The following EYA4 variants were observed in gnomAD, a reference collection of about 807,000 sequenced individuals.
EYA4 encodes protein phosphatase EYA4.
EYA4 carries 31 observed loss-of-function variants against 87.9 expected under a neutral mutation model. The ratio of observed to expected loss-of-function variants is 0.35; its 90% CI spans 0.27 to 0.48. EYA4 has a LOEUF of 0.48. Ranked by LOEUF, EYA4 falls within the 20% of genes least tolerant of loss-of-function variation. EYA4 has a pLI of 0.99. For synonymous variants in EYA4, 263 were observed against 270.6 expected (o/e 0.97, Z 0.28); for missense variants, 678 against 761.4 (o/e 0.89, Z 1.29).
intron 13 of EYA4, among the ~76,000 whole-genome samples, chr6:133,498,955 C>A (rs1347764055): frequency 6.6e-6 from 1 of 152,116 alleles, no homozygotes; most frequent in African/African-American, 2.4e-5. Flanking sequence ...TATTTAAGCC[C>A]ATCTTTAGCA....
chr6:133,422,345 G>A (rs546457077), intron 3 of EYA4, among the ~76,000 whole-genome samples: 1 of 152,190 alleles, frequency 6.6e-6, no homozygotes, highest in East Asian at 1.9e-4. Flanking sequence ...GCTTTTGCCA[G>A]TTTTAAAAAT....
chr6:133,385,477 G>A (rs1786671130), intron 3 of EYA4, among the ~76,000 whole-genome samples: 1 of 149,964 alleles, frequency 6.7e-6, no homozygotes. Flanking sequence ...GAGATTTAAA[G>A]CCCGGGGCTA....
chr6:133,490,228 A>T (rs1290880079), intron 13 of EYA4, among the ~76,000 whole-genome samples: 1 of 152,158 alleles, frequency 6.6e-6, no homozygotes, highest in African/African-American at 2.4e-5. Flanking sequence ...AGTCATCTTT[A>T]CTAAAAGGAA....
chr6:133,292,730 T>C (rs751333253), intron 2 of EYA4, among the ~76,000 whole-genome samples: 3 of 152,236 alleles, frequency 2.0e-5, no homozygotes, highest in Non-Finnish European at 2.9e-5. Context: ...CTTTAAACAA[T>C]ATTTTTGTCT....
intron 3 of EYA4, among the ~76,000 whole-genome samples, chr6:133,412,935 C>T (rs1452220640): frequency 1.3e-5 from 2 of 152,106 alleles, no homozygotes; most frequent in Admixed American, 6.5e-5. Context: ...GGAGAACAAG[C>T]CTGCACACCT....
At chr6:133,266,387 T>C (rs1157299448) in intron 1 of EYA4, among the ~76,000 whole-genome samples, 1 of 152,124 alleles carries the variant, frequency 6.6e-6, no homozygotes, top group Non-Finnish European at 1.5e-5. Context: ...GATGCTTCCC[T>C]AGGATCTCCA....
In EYA4 at chr6:133,513,010, A is replaced by G. The variant is rs1799289755; in HGVS notation, c.1473A>G (p.Leu491=). The change falls in exon 16 of 20, where the codon TTA becomes TTG. Residue 491 remains leucine (L), a synonymous_variant. Coordinates refer to ENST00000355286, the MANE Select transcript of EYA4 (RefSeq NM_004100.5). ...TTCGTTACAGAAGAGTAAAAGAATT[A>G]TATAACACCTACAAGAACAACGTTG... is the stretch of plus-strand genomic sequence containing the variant. ...LAFRYRRVKE[L]YNTYKNNVGG... 1 of 1,614,142 alleles carries G rather than the reference A, an allele frequency of 6.2e-7. No individual in the cohort carries two copies. The highest frequency in any genetic ancestry group is 8.5e-7 in the Non-Finnish European group (1 of 1,180,004).
At chr6:133,304,980 G>C (rs1194341545) in intron 2 of EYA4, among the ~76,000 whole-genome samples, 1 of 152,156 alleles carries the variant, frequency 6.6e-6, no homozygotes, top group East Asian at 1.9e-4. Flanking sequence ...TTAGGAGCGA[G>C]GAAGAGGGAA....
At chr6:133,365,970 A>G (rs1002388205) in intron 2 of EYA4, among the ~76,000 whole-genome samples, 1 of 152,184 alleles carries the variant, frequency 6.6e-6, no homozygotes, top group Non-Finnish European at 1.5e-5. Context: ...AATAGAGTTG[A>G]TATAACTGGC....
intron 2 of EYA4, among the ~76,000 whole-genome samples, chr6:133,370,897 CT>C (rs371614526): frequency 6.2e-4 from 95 of 152,188 alleles, no homozygotes; most frequent in African/African-American, 2.1e-3. Context: ...TTAATTTTAA[CT>C]TTTTAAAGAA....
At chr6:133,454,106 C>A (rs1382772371) in intron 5 of EYA4, among the ~76,000 whole-genome samples, 1 of 152,034 alleles carries the variant, frequency 6.6e-6, no homozygotes, top group Non-Finnish European at 1.5e-5. Flanking sequence ...GCTTCTAGAC[C>A]AGTTTCGTTA....
Position 133,441,510 on chromosome 6 carries a change from C to T in EYA4, c.84-5120C>T, listed in dbSNP as rs1213629239. Among the ~76,000 whole-genome samples the T allele has an allele frequency of 2.6e-5, 4 of 152,192 alleles. No individual in the cohort carries two copies. In the South Asian group the frequency reaches 6.2e-4, roughly 24 times the overall value. The stretch of plus-strand genomic sequence containing the variant: ...AGATAGAGCAATGGTGAGTGCACAC[C>T]TGGACAACAGAGGGAAAGGGGTTCT... On this transcript the variant is annotated intron_variant, in intron 3 of 19. Coordinates refer to ENST00000355286, the MANE Select transcript of EYA4 (RefSeq NM_004100.5).
Position 133,256,339 on chromosome 6 carries a change from AT to A in EYA4, c.-66+14599del, listed in dbSNP as rs893440557. On this transcript the variant is annotated intron_variant, in intron 1 of 19. Coordinates refer to ENST00000355286, the MANE Select transcript of EYA4 (RefSeq NM_004100.5). ...AAATCAGTAATATTATATTCACTAC[AT>A]TTTTTTTTACTTAGTACCATCAAAT... Among the ~76,000 whole-genome samples, 26 of 150,860 alleles carry A rather than the reference AT, an allele frequency of 1.7e-4. 1 individual carries two copies. Among genetic ancestry groups the A allele is most frequent in the Admixed American group, 1.2e-3 (18 of 15,102 alleles).
intron 13 of EYA4, among the ~76,000 whole-genome samples, chr6:133,493,504 A>T (rs1218265291): frequency 6.6e-6 from 1 of 152,136 alleles, no homozygotes; most frequent in Non-Finnish European, 1.5e-5. Flanking sequence ...ACAATAAAAC[A>T]TTGGGGACAC....
At chr6:133,440,180 A>T (rs1792130210) in intron 3 of EYA4, among the ~76,000 whole-genome samples, 1 of 152,204 alleles carries the variant, frequency 6.6e-6, no homozygotes, top group Admixed American at 6.5e-5. Context: ...TTTCATTCTT[A>T]TTACTTCCTT....
chr6:133,385,429 G>GTGTC (rs1786657773), intron 3 of EYA4, among the ~76,000 whole-genome samples: 1 of 148,770 alleles, frequency 6.7e-6, no homozygotes, highest in African/African-American at 2.5e-5. Context: ...GTGTGTGTGT[G>GTGTC]TGTGTGTGTG....
chr6:133,491,677 C>T (rs950097834), intron 13 of EYA4, among the ~76,000 whole-genome samples: 11 of 151,988 alleles, frequency 7.2e-5, no homozygotes, highest in African/African-American at 1.2e-4. Flanking sequence ...GCAGGCCCGG[C>T]GCAGTGGGTT....
At chr6:133,246,733 A>C (rs1774439853) in intron 1 of EYA4, 1 of 152,184 alleles carries the variant, frequency 6.6e-6, no homozygotes, top group Non-Finnish European at 1.5e-5. Context: ...TATCACCATC[A>C]TAACATCATA....
chr6:133,437,841 A>G (rs1227565343), intron 3 of EYA4, among the ~76,000 whole-genome samples: 1 of 152,324 alleles, frequency 6.6e-6, no homozygotes, highest in Admixed American at 6.5e-5. Flanking sequence ...GACCGCCCCT[A>G]TGACTTGATT....
Sources: gnomAD v4.1 joint callset for allele counts (sites outside exome capture counted in the v4.1 genomes callset) on GRCh38, gnomAD v4.1.1 for gene constraint, MANE v1.5 for transcripts, NCBI Gene and HGNC (gene_info 2026-07-23, HGNC 2026-07-21) for gene names.